DLGAP2: variants seen among roughly 807,000 people sequenced by gnomAD.
DLGAP2 encodes DLG associated protein 2, also known as disks large-associated protein 2.
In DLGAP2, 26 loss-of-function variants were observed where a neutral mutation model predicts 100.3. The ratio of observed to expected loss-of-function variants is 0.26; its 90% confidence interval spans 0.19 to 0.36. DLGAP2 has a LOEUF of 0.36. Ranked by LOEUF, DLGAP2 falls within the 10% of genes least tolerant of loss-of-function variation. The pLI is 1.00. For missense variants in DLGAP2, 1,858 were observed against 1,453.2 expected (o/e 1.28, Z -4.53); for synonymous variants, 886 against 630.1 (o/e 1.41, Z -6.08).
At chr8:1,351,618 G>C (rs1801727416) in intron 3 of DLGAP2, among the ~76,000 whole-genome samples, 2 of 75,670 alleles carry the variant, frequency 2.6e-5, no homozygotes, top group Admixed American at 3.1e-4. Context: ...GGCGTGGAAA[G>C]GCCGTGCGGG....
At chr8:1,617,210 T>C (rs1180821194) in intron 6 of DLGAP2, among the ~76,000 whole-genome samples, 6 of 152,234 alleles carry the variant, frequency 3.9e-5, no homozygotes, top group Non-Finnish European at 8.8e-5. Flanking sequence ...GTTTTAATGG[T>C]AGAATGAGTT....
chr8:1,559,053 G>T (rs1802072026), intron 5 of DLGAP2, among the ~76,000 whole-genome samples: 1 of 152,222 alleles, frequency 6.6e-6, no homozygotes, highest in South Asian at 2.1e-4. Context: ...AGATATTCCA[G>T]TTTGTGCAGT....
chr8:970,104 A>G (rs992219399), intron 2 of DLGAP2, among the ~76,000 whole-genome samples: 1 of 152,138 alleles, frequency 6.6e-6, no homozygotes, highest in African/African-American at 2.4e-5. Context: ...TCATTAACCT[A>G]AAGAAAAATG....
chr8:1,200,685 G>A (rs1343782230), intron 2 of DLGAP2, among the ~76,000 whole-genome samples: 2 of 151,512 alleles, frequency 1.3e-5, no homozygotes, highest in South Asian at 4.1e-4. Flanking sequence ...CACAGCCCTT[G>A]ACCTTCAAAG....
intron 3 of DLGAP2, among the ~76,000 whole-genome samples, chr8:1,352,539 G>A (rs1175855943): frequency 6.6e-6 from 1 of 152,156 alleles, no homozygotes; most frequent in Non-Finnish European, 1.5e-5. Context: ...AATATTCTTA[G>A]AGTGTTTATT....
At chr8:803,183 C>A (rs1796205063) in intron 1 of DLGAP2, among the ~76,000 whole-genome samples, 1 of 152,074 alleles carries the variant, frequency 6.6e-6, no homozygotes, top group Admixed American at 6.5e-5. Flanking sequence ...CATCCCCAGG[C>A]CCCGTCAGGG....
At chr8:1,070,367 G>GC (rs1221071294) in intron 2 of DLGAP2, among the ~76,000 whole-genome samples, 2 of 152,200 alleles carry the variant, frequency 1.3e-5, no homozygotes, top group Non-Finnish European at 2.9e-5. Flanking sequence ...GGCTCGTCCT[G>GC]CCATGGCCCA....
rs367990465 is a variant in DLGAP2 at position 1,359,623 on chromosome 8, C to T, written c.106+100740C>T. 2.0e-5 allele frequency among the ~76,000 whole-genome samples: 3 copies of T among 152,350 alleles called. No individual in the cohort carries two copies. In the East Asian group the frequency reaches 5.8e-4, roughly 30 times the overall value. ...TCCCTGGTGCAGAGGCTGATGCTGT[C>T]GGCGGCTGTCCCTGTGGGTGATGCG... On this transcript the variant is annotated intron_variant, in intron 3 of 14. Coordinates refer to ENST00000637795, the MANE Select transcript of DLGAP2 (RefSeq NM_001346810.2).
At chr8:1,485,211 G>A (rs1160967888) in intron 3 of DLGAP2, among the ~76,000 whole-genome samples, 1 of 152,200 alleles carries the variant, frequency 6.6e-6, no homozygotes, top group Non-Finnish European at 1.5e-5. Context: ...CATCTTGCCA[G>A]ATAATTATGA....
intron 7 of DLGAP2, among the ~76,000 whole-genome samples, chr8:1,628,602 C>T (rs1441841478): frequency 6.6e-6 from 1 of 150,482 alleles, no homozygotes; most frequent in Non-Finnish European, 1.5e-5. Flanking sequence ...CTCTGACTTA[C>T]TGTGGAGCAG....
At chr8:892,750 G>A (rs911548381) in intron 1 of DLGAP2, among the ~76,000 whole-genome samples, 13 of 152,180 alleles carry the variant, frequency 8.5e-5, no homozygotes, top group Non-Finnish European at 1.8e-4. Flanking sequence ...GGTAGGAGAG[G>A]CCGAGCCAGG....
intron 3 of DLGAP2, among the ~76,000 whole-genome samples, chr8:1,440,629 AATAAAAATC>A (rs1048818266): frequency 6.6e-6 from 1 of 152,226 alleles, no homozygotes; most frequent in Non-Finnish European, 1.5e-5. Context: ...GGCTCTCCTG[AATAAAAATC>A]CTGCTGAACT....
chr8:1,255,505 G>C, intron 2 of DLGAP2, among the ~76,000 whole-genome samples: 1 of 135,274 alleles, frequency 7.4e-6, no homozygotes, highest in African/African-American at 3.1e-5. Flanking sequence ...TTGCCCGGGC[G>C]CTGTGTGTGT....
intron 2 of DLGAP2, among the ~76,000 whole-genome samples, chr8:953,373 T>C (rs1180384319): frequency 1.3e-5 from 2 of 152,122 alleles, no homozygotes; most frequent in African/African-American, 4.8e-5. Context: ...TTTGTATTTT[T>C]AGCAGAGACG....
At chr8:1,233,110 C>G (rs941823118) in intron 2 of DLGAP2, among the ~76,000 whole-genome samples, 1 of 152,192 alleles carries the variant, frequency 6.6e-6, no homozygotes, top group African/African-American at 2.4e-5. Context: ...GTGCCAGCGC[C>G]TAATAGACAC....
intron 3 of DLGAP2, among the ~76,000 whole-genome samples, chr8:1,269,184 C>G (rs1050348712): frequency 3.9e-5 from 6 of 152,240 alleles, no homozygotes; most frequent in African/African-American, 1.4e-4. Context: ...TGCTTCCTTC[C>G]CTGCCCTTCT....
chr8:1,251,097 A>G (rs1224404641), intron 2 of DLGAP2, among the ~76,000 whole-genome samples: 1 of 152,204 alleles, frequency 6.6e-6, no homozygotes, highest in East Asian at 1.9e-4. Context: ...GTTCACGAGA[A>G]CGTTACTTTG....
At chr8:818,135 C>T (rs1796519532) in intron 1 of DLGAP2, among the ~76,000 whole-genome samples, 1 of 152,158 alleles carries the variant, frequency 6.6e-6, no homozygotes, top group African/African-American at 2.4e-5. Flanking sequence ...CAGGGACAGG[C>T]ATGTCTGAGC....
At chr8:817,794 C>T (rs1480511829) in intron 1 of DLGAP2, among the ~76,000 whole-genome samples, 1 of 152,190 alleles carries the variant, frequency 6.6e-6, no homozygotes, top group Non-Finnish European at 1.5e-5. Flanking sequence ...GGGGTGTCTG[C>T]AGAGTCCTGT....
Sources: allele counts gnomAD v4.1 joint callset (sites outside exome capture counted in the v4.1 genomes callset), GRCh38; gene constraint gnomAD v4.1.1; transcripts MANE v1.5; gene names NCBI Gene and HGNC (gene_info 2026-07-23, HGNC 2026-07-21).